The following AMER1 variants were observed in gnomAD, a reference collection of about 807,000 sequenced individuals.
AMER1 encodes the protein RP11-403E24.2.
In AMER1, 16 loss-of-function variants were observed where a neutral mutation model predicts 53.0. The ratio of observed to expected loss-of-function variants is 0.30; its 90% CI spans 0.20 to 0.46. The LOEUF (loss-of-function observed/expected upper bound fraction) is 0.46, where lower values mean the gene tolerates loss of function less well. AMER1 is among the 20% of genes least tolerant of loss of function. The pLI, the probability that AMER1 is intolerant of heterozygous loss-of-function variation, is 1.00. For missense variants in AMER1, 947 were observed against 884.9 expected (o/e 1.07, Z -0.89); for synonymous variants, 354 against 331.9 (o/e 1.07, Z -0.73).
intron 1 of AMER1, among the ~76,000 whole-genome samples, chrX:64,194,084 G>A (rs1930315386): frequency 8.9e-6 from 1 of 111,881 alleles, no homozygotes; most frequent in Non-Finnish European, 1.9e-5. Flanking sequence ...TACTCTCTGG[G>A]CTTCAATATT....
In AMER1 at chrX:64,188,040, C is replaced by T. The variant is rs1386491370; in HGVS notation, c.*1839G>A. Reference sequence around the variant, plus strand: ...TTTGTGAGTAAGGGCACTGGGCCAACCCCAATCTGAGAAATGGTGACAAAG... The same window carrying T: ...TTTGTGAGTAAGGGCACTGGGCCAATCCCAATCTGAGAAATGGTGACAAAG... On this transcript the variant is annotated 3_prime_UTR_variant, in exon 2 of 2. Coordinates refer to ENST00000374869, the MANE Select transcript of AMER1 (RefSeq NM_152424.4). The T allele has an allele frequency of 2.6e-6, 2 of 780,866 alleles. No homozygotes were observed. The highest frequency in any genetic ancestry group is 3.0e-6 in the Non-Finnish European group (2 of 656,048). The allele number at this position is 780,866 out of a possible 1,213,427, so 64.4% of individuals were successfully genotyped here.
chrX:64,186,058 G>A lies in AMER1; in HGVS notation c.*3821C>T. On this transcript the variant is annotated 3_prime_UTR_variant, in exon 2 of 2. Transcript: ENST00000374869. ...AGTACTCTCAGAGGGTCTAGACATG[G>A]GGAAGAAGGGTTCAAAAGAAAGAAA... 1 of 1,078,543 alleles carries A rather than the reference G, an allele frequency of 9.3e-7. No individual in the cohort carries two copies. The highest frequency in any genetic ancestry group is 1.3e-6 in the Non-Finnish European group (1 of 778,410). 88.9% of individuals were successfully genotyped at this position (1,078,543 alleles called of 1,213,427 possible). A position where few individuals can be genotyped will look rare whatever the true frequency, so the allele number is the denominator to read the frequency against.
rs1237782051 is a variant in AMER1 at position 64,190,723 on chromosome X, T to C, written c.2564A>G (p.His855Arg). The change falls in exon 2 of 2, where the codon CAT becomes CGT. Residue 855 changes from histidine to arginine, a missense_variant. His to Arg is a conservative substitution (Grantham distance 29). Transcript: ENST00000374869. ...GGGCAGGCCTTGGTAGAATCGACTA[T>C]GGTAGTTGTTGAAGGCATGTTTGTG... Reference protein sequence around the residue: ...YYHKHAFNNYHSRFYQGLPWG... With the variant: ...YYHKHAFNNYRSRFYQGLPWG... The C allele has an allele frequency of 8.3e-7, 1 of 1,206,949 alleles. No individual in the cohort carries two copies. Among genetic ancestry groups the C allele is most frequent in the Non-Finnish European group, 1.1e-6 (1 of 892,997 alleles).
chrX:64,189,794 C>CCCCA lies in AMER1; in HGVS notation c.*84_*85insTGGG. 1 of 301,692 alleles carries CCCCA rather than the reference C, an allele frequency of 3.3e-6. No individual in the cohort carries two copies. The highest frequency in any genetic ancestry group is 4.3e-6 in the Non-Finnish European group (1 of 232,769). 24.9% of individuals were successfully genotyped at this position (301,692 alleles called of 1,213,427 possible). A position where few individuals can be genotyped will look rare whatever the true frequency, so the allele number is the denominator to read the frequency against. On this transcript the variant is annotated 3_prime_UTR_variant, in exon 2 of 2. Transcript: ENST00000374869. ...AAAGGGTTTTCAAGTTAAACAACAA[C>CCCCA]CCCCACCCCCCCACCCTTCTGCCCA...
In AMER1 at chrX:64,189,557, T is replaced by TATATAA. The variant is rs1930193291; in HGVS notation, c.*321_*322insTTATAT. ...ATATATATATATATATATATATATA[T>TATATAA]AATCACTAACTTGGCAACTGGAATA... On this transcript the variant is annotated 3_prime_UTR_variant, in exon 2 of 2. Coordinates refer to ENST00000374869, the MANE Select transcript of AMER1 (RefSeq NM_152424.4). 1 of 248,110 alleles carries TATATAA rather than the reference T, an allele frequency of 4.0e-6. No homozygotes were observed. Among genetic ancestry groups the TATATAA allele is most frequent in the Non-Finnish European group, 5.2e-6 (1 of 192,772 alleles). The allele number at this position is 248,110 out of a possible 1,213,427, so 20.4% of individuals were successfully genotyped here. A position where few individuals can be genotyped will look rare whatever the true frequency, so the allele number is the denominator to read the frequency against.
At position 64,190,721 on chromosome X, in the gene AMER1, T is replaced by A. The variant is rs778363299; in HGVS notation, c.2566A>T (p.Ser856Cys). Residue 856 changes from serine to cysteine, a missense_variant, in exon 2 of 2, where the codon AGT becomes TGT. Transcript: ENST00000374869. ...YHKHAFNNYH[S>C]RFYQGLPWGV... The stretch of plus-strand genomic sequence containing the variant: ...CAGGGCAGGCCTTGGTAGAATCGAC[T>A]ATGGTAGTTGTTGAAGGCATGTTTG... The A allele has an allele frequency of 1.7e-6, 2 of 1,206,171 alleles. No individual in the cohort carries two copies. The highest frequency in any genetic ancestry group is 2.2e-6 in the Non-Finnish European group (2 of 893,168).
At chrX:64,204,634 C>T (rs986760205) in intron 1 of AMER1, among the ~76,000 whole-genome samples, 1 of 113,397 alleles carries the variant, frequency 8.8e-6, no homozygotes, top group South Asian at 3.5e-4. Context: ...AGGGCTCCTT[C>T]GGCCTCTGGC....
chrX:64,204,057 G>A (rs1005576416), intron 1 of AMER1, among the ~76,000 whole-genome samples: 2 of 112,313 alleles, frequency 1.8e-5, no homozygotes, highest in African/African-American at 6.5e-5. Context: ...AGGTCCAAGA[G>A]CTTACCAAGC....
chrX:64,185,140 C>A lies in AMER1; in HGVS notation c.*4739G>T, dbSNP rs924080256. ...AGTGACTGAGGGGTTCCCTCTTGAA[C>A]CCAGAAGTTTATTAGCATTCAGCAA... On this transcript the variant is annotated 3_prime_UTR_variant, in exon 2 of 2. Transcript: ENST00000374869. 2 of 144,386 alleles carry A rather than the reference C, an allele frequency of 1.4e-5. No homozygotes were observed. Among genetic ancestry groups the A allele is most frequent in the African/African-American group, 6.2e-5 (2 of 32,279 alleles). The allele number at this position is 144,386 out of a possible 1,213,427, so 11.9% of individuals were successfully genotyped here.
In AMER1 at chrX:64,190,010, C is replaced by T. The variant is rs1314155750; in HGVS notation, c.3277G>A (p.Glu1093Lys). 3 of 1,204,772 alleles carry T rather than the reference C, an allele frequency of 2.5e-6. No individual in the cohort carries two copies. The African/African-American group carries it at 5.3e-5, about 21-fold the overall frequency. ...GIPQLPRVRP[E>K]HPQPQPTHYG... The stretch of plus-strand genomic sequence containing the variant: ...TGAGTGGGCTGAGGCTGGGGGTGCT[C>T]AGGCCGGACCCTGGGCAGCTGAGGA... Residue 1093 changes from glutamate to lysine, a missense_variant, in exon 2 of 2, where the codon GAG becomes AAG. Glu to Lys is a moderately conservative substitution (Grantham distance 56). Transcript: ENST00000374869.
At chrX:64,195,726 T>A (rs1930352216) in intron 1 of AMER1, among the ~76,000 whole-genome samples, 1 of 112,534 alleles carries the variant, frequency 8.9e-6, no homozygotes, top group African/African-American at 3.2e-5. Flanking sequence ...ATGGAAAAAT[T>A]GTCTTCCATG....
rs772303000 is a variant in AMER1 at position 64,189,806 on chromosome X, C to G, written c.*73G>C. The G allele has an allele frequency of 1.1e-4, 99 of 937,191 alleles. 3 individuals are homozygous for G. Among genetic ancestry groups the G allele is most frequent in the Non-Finnish European group, 6.5e-5 (48 of 739,570 alleles). 77.2% of individuals were successfully genotyped at this position (937,191 alleles called of 1,213,427 possible). On this transcript the variant is annotated 3_prime_UTR_variant, in exon 2 of 2. Coordinates refer to ENST00000374869, the MANE Select transcript of AMER1 (RefSeq NM_152424.4). Reference sequence around the variant, plus strand: ...AGTTAAACAACAACCCCCACCCCCCCACCCTTCTGCCCAACCCCTGATCCC... The same window carrying G: ...AGTTAAACAACAACCCCCACCCCCCGACCCTTCTGCCCAACCCCTGATCCC...
rs774922675 is a variant in AMER1 at position 64,192,416 on chromosome X, C to T, written c.871G>A (p.Glu291Lys). ...TTTACCTCTCCTGCTACTACCTTCT[C>T]CCCTGTTTCTGGGCTATGGGGCTCC... ...LEEPHSPETG[E>K]KVVAGEVNPP... Residue 291 changes from glutamate to lysine, a missense_variant, in exon 2 of 2, where the codon GAG becomes AAG. Transcript: ENST00000374869. The T allele has an allele frequency of 8.3e-7, 1 of 1,211,246 alleles. No homozygotes were observed. Among genetic ancestry groups the T allele is most frequent in the East Asian group, 3.0e-5 (1 of 33,837 alleles).
At chrX:64,205,445 G>C (rs1357642330) in intron 1 of AMER1, 125 bp downstream of exon 1, 1 of 111,959 alleles carries the variant, frequency 8.9e-6, no homozygotes, top group African/African-American at 3.3e-5. Flanking sequence ...AAAGGAGAGG[G>C]GCGAGCGACC....
chrX:64,197,022 G>C (rs1411695516), intron 1 of AMER1, among the ~76,000 whole-genome samples: 2 of 112,374 alleles, frequency 1.8e-5, no homozygotes, highest in Admixed American at 1.9e-4. Flanking sequence ...CTTTACTTAG[G>C]ACCACAAGAG....
In AMER1 at chrX:64,186,696, C is replaced by G; in HGVS notation, c.*3183G>C. The G allele has an allele frequency of 1.3e-6, 1 of 773,592 alleles. No individual in the cohort carries two copies. Among genetic ancestry groups the G allele is most frequent in the Non-Finnish European group, 1.5e-6 (1 of 651,266 alleles). 63.8% of individuals were successfully genotyped at this position (773,592 alleles called of 1,213,427 possible). On this transcript the variant is annotated 3_prime_UTR_variant, in exon 2 of 2. Coordinates refer to ENST00000374869, the MANE Select transcript of AMER1 (RefSeq NM_152424.4). ...GACTGGTGTTTACTGAACCCATTAT[C>G]CGGGCAGTCTTGTGGCCTGGTACCC...
chrX:64,189,799 A>ACCCCCCCCCCCCT lies in AMER1; in HGVS notation c.*79_*80insAGGGGGGGGGGGG. ...GTTTTCAAGTTAAACAACAACCCCC[A>ACCCCCCCCCCCCT]CCCCCCCACCCTTCTGCCCAACCCC... On this transcript the variant is annotated 3_prime_UTR_variant, in exon 2 of 2. Transcript: ENST00000374869. 1 of 125,105 alleles carries ACCCCCCCCCCCCT rather than the reference A, an allele frequency of 8.0e-6. No homozygotes were observed. The highest frequency in any genetic ancestry group is 1.4e-5 in the Non-Finnish European group (1 of 70,167). The allele number at this position is 125,105 out of a possible 1,213,427, so 10.3% of individuals were successfully genotyped here.
At position 64,186,413 on chromosome X, in the gene AMER1, AGATAATT is replaced by A. The variant is rs1930111045; in HGVS notation, c.*3459_*3465del. On this transcript the variant is annotated 3_prime_UTR_variant, in exon 2 of 2. Coordinates refer to ENST00000374869, the MANE Select transcript of AMER1 (RefSeq NM_152424.4). ...TATAAAATGCAAACAATATAAAAATAGATAATTGACTTTTGATATATATATATATATA... is the reference window on the plus strand; with the variant it reads ...TATAAAATGCAAACAATATAAAAATAGACTTTTGATATATATATATATATA... 1 of 787,469 alleles carries A rather than the reference AGATAATT, an allele frequency of 1.3e-6. No homozygotes were observed. Among genetic ancestry groups the A allele is most frequent in the Non-Finnish European group, 1.6e-6 (1 of 641,858 alleles). 64.9% of individuals were successfully genotyped at this position (787,469 alleles called of 1,213,427 possible).
rs754366188 is a variant in AMER1, at chrX:64,190,988, C to T, written c.2299G>A (p.Val767Met). 8.3e-6 allele frequency: 10 copies of T among 1,210,139 alleles called. 1 individual carries two copies. The South Asian group carries it at 1.6e-4, about 19-fold the overall frequency. ...TCTACCAGGGCCTGTGAGAAACTCA[C>T]AGTGGCATTCCCTTCCTTCTCAACC... ...EEVEKEGNAT[V>M]SFSQALVEFT... Residue 767 changes from valine to methionine, a missense_variant, in exon 2 of 2, where the codon GTG becomes ATG. By Grantham distance (21) the Val-to-Met change is conservative. Transcript: ENST00000374869.
Sources: gnomAD v4.1 joint callset for allele counts (sites outside exome capture counted in the v4.1 genomes callset) on GRCh38, gnomAD v4.1.1 for gene constraint, MANE v1.5 for transcripts, NCBI Gene and HGNC (gene_info 2026-07-23, HGNC 2026-07-21) for gene names.